WIF1: variants seen among roughly 807,000 people sequenced by gnomAD.
WIF1 encodes the protein Wnt inhibitory factor 1.
Under a neutral mutation model 53.5 loss-of-function variants are expected in WIF1, and 35 were observed. The ratio of observed to expected loss-of-function variants is 0.65; its 90% CI spans 0.50 to 0.87. The LOEUF (loss-of-function observed/expected upper bound fraction) is 0.87, where lower values mean the gene tolerates loss of function less well. WIF1 is among the 40% of genes least tolerant of loss of function. The pLI, the probability that WIF1 is intolerant of heterozygous loss-of-function variation, is 0.00. For missense variants in WIF1, 467 were observed against 476.8 expected (o/e 0.98, Z 0.19); for synonymous variants, 171 against 170.4 (o/e 1.00, Z -0.03).
At chr12:65,053,169 G>A (rs1278808154) in intron 9 of WIF1, among the ~76,000 whole-genome samples, 2 of 152,128 alleles carry the variant, frequency 1.3e-5, no homozygotes, top group African/African-American at 4.8e-5. Context: ...GTCCTAGCAG[G>A]GATACCATTC....
chr12:65,074,185 T>A (rs989744375), intron 3 of WIF1, among the ~76,000 whole-genome samples: 40 of 152,058 alleles, frequency 2.6e-4, no homozygotes, highest in African/African-American at 7.9e-4. Context: ...TTTATTTTTT[T>A]ATTTTTTTTA....
intron 3 of WIF1, among the ~76,000 whole-genome samples, chr12:65,076,286 C>G (rs559279556): frequency 6.6e-6 from 1 of 152,078 alleles, no homozygotes; most frequent in African/African-American, 2.4e-5. Flanking sequence ...ATCCTCCCCC[C>G]TCGGCCCCCC....
At chr12:65,067,608 G>A (rs1008110492) in intron 5 of WIF1, 87 bp downstream of exon 5, 2 of 1,347,888 alleles carry the variant, frequency 1.5e-6, no homozygotes, top group East Asian at 4.8e-5. Flanking sequence ...AATTTCAGGT[G>A]TTAAAAATAC....
At chr12:65,067,650 A>G in intron 5 of WIF1, 45 bp downstream of exon 5, 1 of 1,563,622 alleles carries the variant, frequency 6.4e-7, no homozygotes, top group Non-Finnish European at 8.8e-7. Flanking sequence ...CACGACATCC[A>G]TGTTCATTAG....
At chr12:65,103,060 T>C (rs1883304978) in intron 2 of WIF1, among the ~76,000 whole-genome samples, 1 of 152,196 alleles carries the variant, frequency 6.6e-6, no homozygotes, top group Non-Finnish European at 1.5e-5. Context: ...AAATAGCATT[T>C]ATCGACTGGG....
chr12:65,052,754 A>G (rs1405765085), intron 9 of WIF1, among the ~76,000 whole-genome samples: 2 of 152,172 alleles, frequency 1.3e-5, no homozygotes, highest in Non-Finnish European at 2.9e-5. Context: ...CTGATGGCAG[A>G]CGCTTTCAGC....
chr12:65,115,172 GC>G (rs1248147447), intron 2 of WIF1, among the ~76,000 whole-genome samples: 1 of 73,886 alleles, frequency 1.4e-5, no homozygotes, highest in African/African-American at 4.7e-5. Context: ...CTTTGTCATT[GC>G]TAAAAAAAAA....
At position 65,073,018 on chromosome 12, in the gene WIF1, A is replaced by G. The variant is rs3782500; in HGVS notation, c.398-4114T>C. On this transcript the variant is annotated intron_variant, in intron 3 of 9. Transcript: ENST00000286574. Reference sequence around the variant, plus strand: ...TAACTCTTCTACAGAAGAAAGCAGCAAATTTGTTCTGATTGCATACTGCTC... The same window carrying G: ...TAACTCTTCTACAGAAGAAAGCAGCGAATTTGTTCTGATTGCATACTGCTC... Among the ~76,000 whole-genome samples, 125 of 152,336 alleles carry G rather than the reference A, an allele frequency of 8.2e-4. 2 individuals are homozygous for G. In the East Asian group the frequency reaches 0.017, roughly 21 times the overall value.
intron 2 of WIF1, among the ~76,000 whole-genome samples, chr12:65,080,229 G>A (rs974334940): frequency 1.3e-5 from 2 of 152,130 alleles, no homozygotes; most frequent in African/African-American, 4.8e-5. Context: ...TGTGAGTTGT[G>A]GTCAAGTTTC....
At chr12:65,117,314 A>G (rs1883527778) in intron 2 of WIF1, among the ~76,000 whole-genome samples, 1 of 152,248 alleles carries the variant, frequency 6.6e-6, no homozygotes, top group Non-Finnish European at 1.5e-5. Context: ...GCACATTAGC[A>G]GCATATGATA....
In WIF1 at chr12:65,102,935, A is replaced by G. The variant is rs916021919; in HGVS notation, c.288+17482T>C. ...AGTTTCTGAAAGAATGGATGGCAAA[A>G]AACATCTAAAATATCAAGTACAAAA... On this transcript the variant is annotated intron_variant, in intron 2 of 9. Coordinates refer to ENST00000286574, the MANE Select transcript of WIF1 (RefSeq NM_007191.5). Among the ~76,000 whole-genome samples the G allele has an allele frequency of 8.5e-4, 129 of 152,238 alleles. 1 individual carries two copies. Among genetic ancestry groups the G allele is most frequent in the African/African-American group, 3.0e-3 (124 of 41,470 alleles).
intron 8 of WIF1, 60 bp from the exon 9 acceptor site, chr12:65,055,273 A>T: frequency 6.4e-7 from 1 of 1,558,236 alleles, no homozygotes; most frequent in Non-Finnish European, 8.7e-7. Context: ...ACAGAATTAC[A>T]TAGTTGCTTT....
At chr12:65,053,712 C>T (rs951082533) in intron 9 of WIF1, among the ~76,000 whole-genome samples, 1 of 152,018 alleles carries the variant, frequency 6.6e-6, no homozygotes, top group African/African-American at 2.4e-5. Context: ...AGATACCAAC[C>T]TACCTTAAAG....
chr12:65,093,681 C>G (rs1883159116), intron 2 of WIF1, among the ~76,000 whole-genome samples: 2 of 152,044 alleles, frequency 1.3e-5, no homozygotes, highest in African/African-American at 4.8e-5. Flanking sequence ...TACACACACA[C>G]AGACACATTA....
At chr12:65,056,308 TA>T (rs1204718083) in intron 7 of WIF1, among the ~76,000 whole-genome samples, 182 bp from the exon 8 acceptor site, 1 of 148,754 alleles carries the variant, frequency 6.7e-6, no homozygotes, top group African/African-American at 2.5e-5. Context: ...GACAGGATAA[TA>T]TTTTTAACTT....
At chr12:65,070,969 C>G (rs1014846773) in intron 3 of WIF1, among the ~76,000 whole-genome samples, 1 of 152,030 alleles carries the variant, frequency 6.6e-6, no homozygotes, top group South Asian at 2.1e-4. Flanking sequence ...AAATCACAGG[C>G]TCACTCCTGT....
At chr12:65,090,252 T>A (rs779747569) in intron 2 of WIF1, among the ~76,000 whole-genome samples, 14 of 152,030 alleles carry the variant, frequency 9.2e-5, no homozygotes, top group Non-Finnish European at 1.6e-4. Context: ...GGGGAGAATG[T>A]GGGTGAAGTC....
At chr12:65,058,863 A>G (rs1882568699) in intron 7 of WIF1, among the ~76,000 whole-genome samples, 1 of 152,180 alleles carries the variant, frequency 6.6e-6, no homozygotes. Context: ...TAGCCTGGCC[A>G]ATATGGTGAA....
intron 2 of WIF1, among the ~76,000 whole-genome samples, chr12:65,117,757 A>G (rs1457264715): frequency 6.6e-6 from 1 of 152,160 alleles, no homozygotes; most frequent in Non-Finnish European, 1.5e-5. Context: ...TGATTCTTAT[A>G]AGGAGTGTGC....
Sources: allele counts gnomAD v4.1 joint callset (sites outside exome capture counted in the v4.1 genomes callset), GRCh38; gene constraint gnomAD v4.1.1; transcripts MANE v1.5; gene names NCBI Gene and HGNC (gene_info 2026-07-23, HGNC 2026-07-21).